PDE10A: variants seen among roughly 807,000 people sequenced by gnomAD.
The protein encoded by PDE10A is cAMP and cAMP-inhibited cGMP 3',5'-cyclic phosphodiesterase 10A.
PDE10A carries 39 observed loss-of-function variants against 97.7 expected under a neutral mutation model. That is an observed-to-expected ratio of 0.40 (90% CI 0.31 to 0.52). PDE10A has a LOEUF of 0.52. PDE10A is among the 20% of genes least tolerant of loss of function. The pLI is 0.56. For synonymous variants in PDE10A, 371 were observed against 376.8 expected (o/e 0.98, Z 0.18); for missense variants, 731 against 1,047.8 (o/e 0.70, Z 4.17).
chr6:165,653,625 G>C (rs1789793137), intron 1 of PDE10A, among the ~76,000 whole-genome samples: 1 of 152,172 alleles, frequency 6.6e-6, no homozygotes, highest in Admixed American at 6.5e-5. Context: ...CACCACACGT[G>C]TCTCTACCAG....
In PDE10A at chr6:165,661,846, C is replaced by A. The variant is rs1432622133; in HGVS notation, c.865+101G>T. The A allele has an allele frequency of 1.6e-6, 1 of 628,326 alleles. No homozygotes were observed. Among genetic ancestry groups the A allele is most frequent in the Admixed American group, 2.6e-5 (1 of 38,284 alleles). 38.9% of individuals were successfully genotyped at this position (628,326 alleles called of 1,614,324 possible). A position where few individuals can be genotyped will look rare whatever the true frequency, so the allele number is the denominator to read the frequency against. ...GCTCCACGCCCGGGCACGGGCACCT[C>A]GCTCGACACCCGCTTCCCACCCAGC... On this transcript the variant is annotated intron_variant, in intron 1 of 21. Transcript: ENST00000539869. The surrounding 1 kb of genome is among the most constrained non-coding windows in gnomAD (Gnocchi z 4.8).
At chr6:165,746,901 T>C (rs939890958) in intron 1 of PDE10A, among the ~76,000 whole-genome samples, 5 of 152,254 alleles carry the variant, frequency 3.3e-5, no homozygotes, top group African/African-American at 1.2e-4. Flanking sequence ...AAAACCCACA[T>C]GATTTTGGGA....
At chr6:165,883,395 G>A (rs1237092495) in intron 1 of PDE10A, among the ~76,000 whole-genome samples, 11 of 151,652 alleles carry the variant, frequency 7.3e-5, no homozygotes, top group African/African-American at 2.4e-4. Flanking sequence ...ATACAAAAAT[G>A]GCCCAGAATG....
chr6:165,593,589 C>G (rs1286823859), intron 1 of PDE10A, among the ~76,000 whole-genome samples: 1 of 152,148 alleles, frequency 6.6e-6, no homozygotes, highest in African/African-American at 2.4e-5. Context: ...ATATACTGAC[C>G]ATTCCATCAG....
At chr6:165,362,229 A>G (rs1008673431) in intron 18 of PDE10A, among the ~76,000 whole-genome samples, 18 of 152,188 alleles carry the variant, frequency 1.2e-4, no homozygotes, top group Admixed American at 1.2e-3. Context: ...ACATTAGAAA[A>G]AAATCAATGA....
At chr6:165,866,651 G>T (rs1781059076) in intron 1 of PDE10A, among the ~76,000 whole-genome samples, 1 of 119,436 alleles carries the variant, frequency 8.4e-6, no homozygotes, top group African/African-American at 3.3e-5. Flanking sequence ...AAGACAAAGA[G>T]AATTCTAAAA....
At chr6:165,452,560 T>G (rs541228627) in intron 3 of PDE10A, among the ~76,000 whole-genome samples, 1 of 152,144 alleles carries the variant, frequency 6.6e-6, no homozygotes, top group Non-Finnish European at 1.5e-5. Context: ...ACATTCTCTC[T>G]TGCTCTTCTC....
intron 1 of PDE10A, among the ~76,000 whole-genome samples, chr6:165,698,419 T>C (rs1403456017): frequency 6.6e-6 from 1 of 152,138 alleles, no homozygotes; most frequent in African/African-American, 2.4e-5. Context: ...GAGTCTTACA[T>C]AGGGAACACT....
chr6:165,860,376 C>T (rs184302215), intron 1 of PDE10A, among the ~76,000 whole-genome samples: 18 of 152,242 alleles, frequency 1.2e-4, no homozygotes, highest in Admixed American at 3.9e-4. Flanking sequence ...TCGCTGAACC[C>T]GGGAGGCAGA....
At chr6:165,823,539 A>AATATTATATTTATAATTTATAACTATAT (rs1779641495) in intron 1 of PDE10A, among the ~76,000 whole-genome samples, 1 of 117,268 alleles carries the variant, frequency 8.5e-6, no homozygotes, top group Non-Finnish European at 1.8e-5. Context: ...CCTTAATTAT[A>AATATTATATTTATAATTTATAACTATAT]AATATTATAT....
chr6:165,660,552 G>A (rs1276155294), intron 1 of PDE10A: 3 of 152,594 alleles, frequency 2.0e-5, no homozygotes, highest in East Asian at 3.9e-4. Context: ...CGATCCCGGC[G>A]CGAATACGCT....
chr6:165,836,044 T>C (rs553305915), intron 1 of PDE10A, among the ~76,000 whole-genome samples: 1 of 152,274 alleles, frequency 6.6e-6, no homozygotes, highest in East Asian at 1.9e-4. Flanking sequence ...GCTCAAACAT[T>C]TTGCCCAATC....
chr6:165,975,689 T>A (rs1021658747), intron 1 of PDE10A, among the ~76,000 whole-genome samples: 13 of 152,256 alleles, frequency 8.5e-5, no homozygotes, highest in African/African-American at 2.7e-4. Flanking sequence ...ACCCTCACTA[T>A]GACTAGCAAG....
chr6:165,637,340 C>A (rs1192816391), intron 1 of PDE10A, among the ~76,000 whole-genome samples: 4 of 152,118 alleles, frequency 2.6e-5, no homozygotes, highest in African/African-American at 4.8e-5. Context: ...AGAATGTGGC[C>A]CTGATTCTGT....
At chr6:165,386,844 A>C (rs1785337319) in intron 17 of PDE10A, among the ~76,000 whole-genome samples, 1 of 124,014 alleles carries the variant, frequency 8.1e-6, no homozygotes, top group South Asian at 2.5e-4. Flanking sequence ...CTACTAAAAA[A>C]AAAAAAAATA....
intron 1 of PDE10A, among the ~76,000 whole-genome samples, chr6:165,832,836 G>A (rs1038729947): frequency 3.3e-5 from 5 of 152,138 alleles, no homozygotes; most frequent in Non-Finnish European, 7.3e-5. Context: ...GAGAAAACAC[G>A]GTCTTCACCC....
chr6:165,390,837 G>T (rs1003986087), intron 16 of PDE10A, among the ~76,000 whole-genome samples: 1 of 152,142 alleles, frequency 6.6e-6, no homozygotes, highest in Non-Finnish European at 1.5e-5. Context: ...GGGAAATCTC[G>T]CCAGTAACCC....
intron 18 of PDE10A, 62 bp from the exon 19 acceptor site, chr6:165,343,564 A>G (rs1782113298): frequency 8.6e-7 from 1 of 1,156,908 alleles, no homozygotes. Flanking sequence ...TAAGGACTAG[A>G]AAGACTTCTG....
At chr6:165,554,384 T>C (rs761210756) in intron 1 of PDE10A, among the ~76,000 whole-genome samples, 8 of 151,916 alleles carry the variant, frequency 5.3e-5, no homozygotes, top group Non-Finnish European at 8.8e-5. Context: ...AAAGAAGACA[T>C]ACAAATGGCA....
Sources: allele counts gnomAD v4.1 joint callset (sites outside exome capture counted in the v4.1 genomes callset), GRCh38; gene constraint gnomAD v4.1.1; non-coding constraint Gnocchi (gnomAD v3.1); transcripts MANE v1.5; gene names NCBI Gene and HGNC (gene_info 2026-07-23, HGNC 2026-07-21).